Variants in MTMR8 observed in about 807,000 individuals in gnomAD.
MTMR8 encodes phosphatidylinositol-3,5-bisphosphate 3-phosphatase MTMR8.
MTMR8 carries 65 observed loss-of-function variants against 39.3 expected under a neutral mutation model. The observed-to-expected ratio is 1.65, with a 90% confidence interval of 1.35 to 2.03. MTMR8 has a LOEUF of 2.03. Ranked by LOEUF, MTMR8 falls within the 30% of genes most tolerant of loss-of-function variation. The pLI is 0.00. For missense variants in MTMR8, 777 were observed against 538.9 expected, an observed-to-expected ratio of 1.44 and a Z score of -4.37; for synonymous variants, 245 against 185.2, an observed-to-expected ratio of 1.32 and a Z score of -2.62.
intron 12 of MTMR8, among the ~76,000 whole-genome samples, chrX:64,275,181 G>C (rs1296590864): frequency 1.8e-5 from 2 of 110,526 alleles, no homozygotes; most frequent in Non-Finnish European, 3.8e-5. Context: ...ATACAATTAT[G>C]ACTGGCCAAT....
chrX:64,384,490 G>C (rs1430888636), intron 1 of MTMR8, among the ~76,000 whole-genome samples: 1 of 112,074 alleles, frequency 8.9e-6, no homozygotes, highest in African/African-American at 3.2e-5. Context: ...TGCCCCTGTA[G>C]CAGGCTTCTG....
chrX:64,300,331 G>A (rs1268176200), intron 12 of MTMR8, among the ~76,000 whole-genome samples: 1 of 111,626 alleles, frequency 9.0e-6, no homozygotes, highest in Non-Finnish European at 1.9e-5. Context: ...TTACCATTAT[G>A]TAATGGCCTT....
At chrX:64,374,466 T>A (rs780443222) in intron 1 of MTMR8, among the ~76,000 whole-genome samples, 1 of 111,834 alleles carries the variant, frequency 8.9e-6, no homozygotes, top group Non-Finnish European at 1.9e-5. Context: ...CTGTGTCAAA[T>A]GTTATAGAAT....
At chrX:64,375,732 C>A (rs1204852389) in intron 1 of MTMR8, among the ~76,000 whole-genome samples, 1 of 111,785 alleles carries the variant, frequency 8.9e-6, no homozygotes, top group Non-Finnish European at 1.9e-5. Flanking sequence ...TCTCCAGATA[C>A]CAAATCTGCA....
At position 64,356,457 on chromosome X, in the gene MTMR8, G is replaced by A. The variant is rs181040285; in HGVS notation, c.148-119C>T. 4 of 597,822 alleles carry A rather than the reference G, an allele frequency of 6.7e-6. No individual in the cohort carries two copies. The South Asian group carries it at 1.2e-4, about 17-fold the overall frequency. 49.3% of individuals were successfully genotyped at this position (597,822 alleles called of 1,213,427 possible). A position where few individuals can be genotyped will look rare whatever the true frequency, so the allele number is the denominator to read the frequency against. ...ACCAGATCTGTAGGCTACATCTACA[G>A]CCTACAACCATTCTTTGTAAGACAC... On this transcript the variant is annotated intron_variant, in intron 2 of 13. Coordinates refer to ENST00000374852, the MANE Select transcript of MTMR8 (RefSeq NM_017677.4).
intron 8 of MTMR8, among the ~76,000 whole-genome samples, chrX:64,338,784 G>A (rs901684675): frequency 2.7e-5 from 3 of 111,791 alleles, no homozygotes; most frequent in South Asian, 3.8e-4. Flanking sequence ...TAAGGTAGTA[G>A]CAGTGGAGCT....
At chrX:64,356,086 C>A in intron 3 of MTMR8, 90 bp downstream of exon 3, 3 of 946,912 alleles carry the variant, frequency 3.2e-6, no homozygotes, top group South Asian at 4.5e-5. Flanking sequence ...AGATCCAAAC[C>A]CTCCTCTGAC....
chrX:64,380,317 T>C (rs1378889123), intron 1 of MTMR8, among the ~76,000 whole-genome samples: 2 of 112,794 alleles, frequency 1.8e-5, no homozygotes, highest in Non-Finnish European at 3.7e-5. Context: ...GCAATTAAAC[T>C]CTGCAGTGAC....
chrX:64,375,023 G>A (rs1352016515), intron 1 of MTMR8, among the ~76,000 whole-genome samples: 2 of 101,088 alleles, frequency 2.0e-5, no homozygotes, highest in African/African-American at 7.5e-5. Flanking sequence ...GAATGGTGAG[G>A]GAATAAATTT....
In MTMR8 at chrX:64,334,067, A is replaced by G. The variant is rs1208983439; in HGVS notation, c.1151+2012T>C. 2.7e-5 allele frequency among the ~76,000 whole-genome samples: 3 copies of G among 110,993 alleles called. No individual in the cohort carries two copies. The East Asian group carries it at 8.5e-4, about 32-fold the overall frequency. On this transcript the variant is annotated intron_variant, in intron 10 of 13. Coordinates refer to ENST00000374852, the MANE Select transcript of MTMR8 (RefSeq NM_017677.4). ...TTTTTGAGTTACCTTATCTGAATCC[A>G]TGGTTTAAACTACCAATTATATGCA... is the stretch of plus-strand genomic sequence containing the variant.
At chrX:64,323,947 T>C (rs748116355) in intron 12 of MTMR8, among the ~76,000 whole-genome samples, 116 of 112,621 alleles carry the variant, frequency 1.0e-3, no homozygotes, top group African/African-American at 3.6e-3. Flanking sequence ...GCAATAAATG[T>C]CTACATTGAA....
Position 64,360,861 on chromosome X carries a change from C to T in MTMR8, c.25-1334G>A, listed in dbSNP as rs148392443. Among the ~76,000 whole-genome samples, 744 of 111,324 alleles carry T rather than the reference C, an allele frequency of 6.7e-3. 3 individuals carry two copies. The highest frequency in any genetic ancestry group is 0.023 in the African/African-American group (698 of 30,766). ...TGAAATGAGAAAGGTTAACAACATACTAGTTGAACAGTCAATGTAATGGAA... is the reference window on the plus strand; with the variant it reads ...TGAAATGAGAAAGGTTAACAACATATTAGTTGAACAGTCAATGTAATGGAA... On this transcript the variant is annotated intron_variant, in intron 1 of 13. Coordinates refer to ENST00000374852, the MANE Select transcript of MTMR8 (RefSeq NM_017677.4).
Position 64,268,993 on chromosome X carries a change from T to C in MTMR8, c.1659A>G (p.Gln553=), listed in dbSNP as rs1385282951. The change falls in exon 14 of 14, where the codon CAA becomes CAG. Residue 553 remains glutamine, a synonymous_variant. Coordinates refer to ENST00000374852, the MANE Select transcript of MTMR8 (RefSeq NM_017677.4). ...EPPEEICTCS[Q]LGNILSQHLG... is the part of the protein sequence containing the mutation. The stretch of plus-strand genomic sequence containing the variant: ...GATGCTGGGATAATATGTTTCCTAA[T>C]TGAGAGCAGGTACAGATCTCTTCTG... The C allele has an allele frequency of 8.3e-7, 1 of 1,211,835 alleles. No homozygotes were observed. The highest frequency in any genetic ancestry group is 3.0e-5 in the East Asian group (1 of 33,843).
chrX:64,302,036 C>T (rs895375216), intron 12 of MTMR8, among the ~76,000 whole-genome samples: 11 of 112,721 alleles, frequency 9.8e-5, no homozygotes, highest in African/African-American at 3.2e-4. Flanking sequence ...TGTGCCCTGC[C>T]CCCAGAGGTG....
chrX:64,313,935 T>A (rs986469889), intron 12 of MTMR8, among the ~76,000 whole-genome samples: 3 of 112,421 alleles, frequency 2.7e-5, no homozygotes, highest in Non-Finnish European at 5.6e-5. Flanking sequence ...TTGAAGTCAC[T>A]GTCCTTTGGA....
At chrX:64,338,921 T>C (rs1274516735) in intron 8 of MTMR8, among the ~76,000 whole-genome samples, 4 of 111,711 alleles carry the variant, frequency 3.6e-5, no homozygotes, top group Non-Finnish European at 7.5e-5. Context: ...ACCAGGTGGA[T>C]GGTAGTGCCA....
chrX:64,338,187 G>T (rs755027416), intron 8 of MTMR8, among the ~76,000 whole-genome samples: 7 of 112,150 alleles, frequency 6.2e-5, no homozygotes, highest in African/African-American at 6.5e-5. Context: ...GGTGAAGAAG[G>T]ACATTAATTC....
intron 1 of MTMR8, among the ~76,000 whole-genome samples, chrX:64,384,475 G>C (rs774026580): frequency 1.8e-5 from 2 of 111,476 alleles, no homozygotes; most frequent in African/African-American, 6.5e-5. Context: ...TCTCTGTGAG[G>C]GCTCTGCCCC....
intron 12 of MTMR8, among the ~76,000 whole-genome samples, chrX:64,304,895 T>TACAC: frequency 1.5e-5 from 1 of 67,765 alleles, no homozygotes; most frequent in African/African-American, 6.0e-5. Context: ...TATATATATA[T>TACAC]ATATATATAT....
Sources: gnomAD v4.1 joint callset for allele counts (sites outside exome capture counted in the v4.1 genomes callset) on GRCh38, gnomAD v4.1.1 for gene constraint, MANE v1.5 for transcripts, NCBI Gene and HGNC (gene_info 2026-07-23, HGNC 2026-07-21) for gene names.